Variants in MEI4 observed in about 807,000 individuals in gnomAD.
MEI4 encodes meiotic double-stranded break formation protein 4.
MEI4 carries 27 observed loss-of-function variants against 31.4 expected under a neutral mutation model. That is an observed-to-expected ratio of 0.86 (90% CI 0.63 to 1.19). MEI4 has a LOEUF of 1.19. MEI4 is among the 50% of genes most tolerant of loss of function. MEI4 has a pLI of 0.00. For synonymous variants in MEI4, 122 were observed against 145.4 expected (o/e 0.84, Z 1.16); for missense variants, 329 against 398.9 (o/e 0.82, Z 1.49).
intron 1 of MEI4, among the ~76,000 whole-genome samples, chr6:77,673,218 C>T (rs1404942823): frequency 6.6e-6 from 1 of 152,054 alleles, no homozygotes; most frequent in East Asian, 1.9e-4. Flanking sequence ...TCATTTCTTC[C>T]CTCCAAATAA....
chr6:77,914,814 A>G (rs1581976737), intron 4 of MEI4, among the ~76,000 whole-genome samples: 1 of 152,098 alleles, frequency 6.6e-6, no homozygotes, highest in African/African-American at 2.4e-5. Flanking sequence ...TTGTACTTTT[A>G]TCATATAGAT....
At chr6:77,780,215 C>A (rs545773287) in intron 3 of MEI4, among the ~76,000 whole-genome samples, 12 of 152,254 alleles carry the variant, frequency 7.9e-5, no homozygotes, top group African/African-American at 2.6e-4. Flanking sequence ...CGGCCTAATC[C>A]TCTTACCTTG....
upstream of MEI4, among the ~76,000 whole-genome samples, chr6:77,652,109 T>C (rs1169469672): frequency 1.3e-5 from 2 of 152,150 alleles, no homozygotes; most frequent in Non-Finnish European, 1.5e-5. Flanking sequence ...CAAAGCTAGC[T>C]AAATTAGGCT....
At chr6:77,740,565 T>A (rs1767373495) in intron 2 of MEI4, among the ~76,000 whole-genome samples, 1 of 152,180 alleles carries the variant, frequency 6.6e-6, no homozygotes. Flanking sequence ...TGAAATATTT[T>A]AAAATAGCAT....
intron 3 of MEI4, among the ~76,000 whole-genome samples, chr6:77,812,748 A>G (rs1309352671): frequency 6.6e-6 from 1 of 152,096 alleles, no homozygotes; most frequent in African/African-American, 2.4e-5. Context: ...AGTAATGCCT[A>G]TTCATTATGT....
chr6:77,868,949 T>G (rs1051006064), intron 4 of MEI4, among the ~76,000 whole-genome samples: 8 of 152,046 alleles, frequency 5.3e-5, no homozygotes, highest in African/African-American at 1.9e-4. Context: ...CGGCACTCCT[T>G]GTTTGAGATC....
At chr6:77,828,620 G>A (rs1454490480) in intron 3 of MEI4, among the ~76,000 whole-genome samples, 2 of 152,032 alleles carry the variant, frequency 1.3e-5, no homozygotes, top group Admixed American at 1.3e-4. Context: ...AAGAGCTTAA[G>A]TATCTTGATT....
At chr6:77,698,298 G>C (rs1766109249) in intron 2 of MEI4, among the ~76,000 whole-genome samples, 1 of 152,164 alleles carries the variant, frequency 6.6e-6, no homozygotes, top group Admixed American at 6.5e-5. Flanking sequence ...GTGTGAATTT[G>C]ATCCTGTCAG....
intron 3 of MEI4, among the ~76,000 whole-genome samples, chr6:77,767,342 T>G (rs1768200931): frequency 6.6e-6 from 1 of 151,454 alleles, no homozygotes; most frequent in Non-Finnish European, 1.5e-5. Context: ...ACTGCACCAC[T>G]GCACTCCAGC....
Position 77,698,963 on chromosome 6 carries a change from G to A in MEI4, c.232+8060G>A, listed in dbSNP as rs528321387. ...CCCATATTTCTTGGAGGCTTTGTTCGTTTCTTTTTATTCTTTTTTCTCTAA... is the reference window on the plus strand; with the variant it reads ...CCCATATTTCTTGGAGGCTTTGTTCATTTCTTTTTATTCTTTTTTCTCTAA... On this transcript the variant is annotated intron_variant, in intron 2 of 4. Transcript: ENST00000684080. 4.7e-3 allele frequency among the ~76,000 whole-genome samples: 717 copies of A among 152,002 alleles called. 3 individuals carry two copies. Among genetic ancestry groups the A allele is most frequent in the African/African-American group, 0.016 (674 of 41,480 alleles).
intron 4 of MEI4, among the ~76,000 whole-genome samples, chr6:77,891,056 T>TG (rs1266619517): frequency 1.3e-5 from 2 of 152,220 alleles, no homozygotes; most frequent in Non-Finnish European, 2.9e-5. Flanking sequence ...ACTTCTTTCT[T>TG]GCTGTTTTTA....
Position 77,813,950 on chromosome 6 carries a change from G to A in MEI4, c.769-14981G>A, listed in dbSNP as rs536073785. ...AACATTTTAAAATTCATCATAAGTAGGACAAGAGAATCTCTTTCCTTTGGG... is the reference window on the plus strand; with the variant it reads ...AACATTTTAAAATTCATCATAAGTAAGACAAGAGAATCTCTTTCCTTTGGG... On this transcript the variant is annotated intron_variant, in intron 3 of 4. Transcript: ENST00000684080. Among the ~76,000 whole-genome samples the A allele has an allele frequency of 3.3e-5, 5 of 152,082 alleles. No homozygotes were observed. In the East Asian group the frequency reaches 9.7e-4, roughly 29 times the overall value.
rs58946198 is a variant in MEI4 at position 77,868,502 on chromosome 6, CAT to C, written c.900+39465_900+39466del. Reference sequence around the variant, plus strand: ...AAAAACTTCCATGTAAAAAATACTACATATATATATATATATATATATATATG... The same window carrying C: ...AAAAACTTCCATGTAAAAAATACTACATATATATATATATATATATATATG... On this transcript the variant is annotated intron_variant, in intron 4 of 4. Coordinates refer to ENST00000684080, the MANE Select transcript of MEI4 (RefSeq NM_001322247.2). Among the ~76,000 whole-genome samples, 161 of 90,050 alleles carry C rather than the reference CAT, an allele frequency of 1.8e-3. 6 individuals carry two copies. The highest frequency in any genetic ancestry group is 0.016 in the South Asian group (35 of 2,122). 59.1% of individuals were successfully genotyped at this position (90,050 alleles called of 152,430 possible). A position where few individuals can be genotyped will look rare whatever the true frequency, so the allele number is the denominator to read the frequency against.
chr6:77,787,929 A>G (rs568787614), intron 3 of MEI4, among the ~76,000 whole-genome samples: 1 of 152,182 alleles, frequency 6.6e-6, no homozygotes, highest in Admixed American at 6.6e-5. Context: ...GGATTTTTGC[A>G]TCGATGTTCA....
At chr6:77,886,966 C>G (rs7771012) in intron 4 of MEI4, among the ~76,000 whole-genome samples, 17 of 152,052 alleles carry the variant, frequency 1.1e-4, no homozygotes, top group African/African-American at 4.8e-5. Context: ...TAGTTCTGCT[C>G]TATTCCTTAT....
chr6:77,704,732 T>TA (rs1167487665), intron 2 of MEI4, among the ~76,000 whole-genome samples: 2 of 152,144 alleles, frequency 1.3e-5, no homozygotes, highest in African/African-American at 2.4e-5. Context: ...GGGAGCATAA[T>TA]AAAAAAATTT....
intron 2 of MEI4, among the ~76,000 whole-genome samples, chr6:77,697,359 AG>A (rs1276453410): frequency 2.0e-5 from 3 of 152,000 alleles, no homozygotes; most frequent in African/African-American, 7.3e-5. Flanking sequence ...TTGTGATGTT[AG>A]GGTGTCAATT....
chr6:77,701,667 G>A (rs1766226207), intron 2 of MEI4, among the ~76,000 whole-genome samples: 2 of 151,582 alleles, frequency 1.3e-5, no homozygotes, highest in South Asian at 4.2e-4. Flanking sequence ...TAAATCATAG[G>A]CTACAGGATG....
chr6:77,688,209 T>G (rs1241710635), intron 1 of MEI4, among the ~76,000 whole-genome samples: 1 of 152,150 alleles, frequency 6.6e-6, no homozygotes, highest in Non-Finnish European at 1.5e-5. Flanking sequence ...AATGCTGTTC[T>G]ACAATTAAGA....
Sources: gnomAD v4.1 joint callset for allele counts (sites outside exome capture counted in the v4.1 genomes callset) on GRCh38, gnomAD v4.1.1 for gene constraint, MANE v1.5 for transcripts, NCBI Gene and HGNC (gene_info 2026-07-23, HGNC 2026-07-21) for gene names.